Variants in KIF6 observed in about 807,000 individuals in gnomAD.
KIF6 encodes the protein kinesin family member 6, also known as kinesin-like protein KIF6.
KIF6 carries 106 observed loss-of-function variants against 112.7 expected under a neutral mutation model. The ratio of observed to expected loss-of-function variants is 0.94; its 90% CI spans 0.80 to 1.11. The LOEUF (loss-of-function observed/expected upper bound fraction) is 1.11, where lower values mean the gene tolerates loss of function less well. Among genes scored for constraint, KIF6 ranks in the 50% least tolerant of loss-of-function variants. KIF6 has a pLI of 0.00. For missense variants in KIF6, 929 were observed against 964.0 expected, an observed-to-expected ratio of 0.96 and a Z score of 0.48; for synonymous variants, 339 against 339.9, an observed-to-expected ratio of 1.00 and a Z score of 0.03.
chr6:39,389,142 TTC>T (rs1367717927), intron 15 of KIF6, among the ~76,000 whole-genome samples: 1 of 152,174 alleles, frequency 6.6e-6, no homozygotes, highest in Non-Finnish European at 1.5e-5. Flanking sequence ...TATATGGGTT[TTC>T]TCTGTTACTG....
intron 15 of KIF6, among the ~76,000 whole-genome samples, chr6:39,400,147 AGACG>A (rs1768580759): frequency 6.6e-6 from 1 of 152,196 alleles, no homozygotes; most frequent in Admixed American, 6.5e-5. Flanking sequence ...AATAAGAAGG[AGACG>A]CACCCTGTTT....
chr6:39,360,017 T>A (rs1765007037), intron 18 of KIF6, among the ~76,000 whole-genome samples: 1 of 152,244 alleles, frequency 6.6e-6, no homozygotes, highest in African/African-American at 2.4e-5. Flanking sequence ...TTCTTCTTTG[T>A]GTTTTTCTGC....
chr6:39,359,889 T>C (rs887941130), intron 18 of KIF6, among the ~76,000 whole-genome samples: 25 of 152,330 alleles, frequency 1.6e-4, no homozygotes, highest in African/African-American at 6.0e-4. Context: ...GTGCCCAGCC[T>C]GATTCTATTT....
At position 39,343,757 on chromosome 6, in the gene KIF6, C is replaced by G. The variant is rs771517824; in HGVS notation, c.2380G>C (p.Asp794His). 42 of 1,613,058 alleles carry G rather than the reference C, an allele frequency of 2.6e-5. No individual in the cohort carries two copies. Among genetic ancestry groups the G allele is most frequent in the Non-Finnish European group, 2.5e-6 (3 of 1,179,684 alleles). ...PLTGDSQTDS[D>H]IIAFIKARQS... is the part of the protein sequence containing the mutation. ...CTGGCCTTGATGAAGGCGATGATGT[C>G]CGAGTCCGTCTGGCTGTCTCCGGTG... Residue 794 changes from aspartate to histidine, a missense_variant, in exon 22 of 23, where the codon GAC becomes CAC. This residue lies in a region of KIF6 where 241 missense variants were observed against 301.4 expected (regional missense o/e 0.80). Coordinates refer to ENST00000287152, the MANE Select transcript of KIF6 (RefSeq NM_145027.6). The surrounding 1 kb of genome is among the most constrained non-coding windows in gnomAD (Gnocchi z 4.1).
intron 2 of KIF6, among the ~76,000 whole-genome samples, chr6:39,716,347 G>A (rs80165548): frequency 0.01 from 1,537 of 152,006 alleles, 25 homozygotes; most frequent in African/African-American, 0.034. Flanking sequence ...ATTTAAAATA[G>A]CAGGTGGTAG....
intron 3 of KIF6, among the ~76,000 whole-genome samples, chr6:39,681,248 A>G (rs73426531): frequency 8.5e-5 from 13 of 152,312 alleles, no homozygotes; most frequent in African/African-American, 3.1e-4. Flanking sequence ...CTGTTTCCAT[A>G]TTTCAGAAGA....
chr6:39,413,116 A>C (rs1769611083), intron 15 of KIF6, among the ~76,000 whole-genome samples: 1 of 152,130 alleles, frequency 6.6e-6, no homozygotes, highest in Admixed American at 6.5e-5. Flanking sequence ...GGTCTCCCTC[A>C]GTCTTAATTT....
intron 3 of KIF6, among the ~76,000 whole-genome samples, chr6:39,707,002 G>C (rs1474632705): frequency 6.6e-6 from 1 of 152,150 alleles, no homozygotes; most frequent in Non-Finnish European, 1.5e-5. Context: ...GTCATAAAGA[G>C]AGTATAGAAT....
chr6:39,680,018 GTTTA>G (rs1787419966), intron 3 of KIF6, among the ~76,000 whole-genome samples: 1 of 149,424 alleles, frequency 6.7e-6, no homozygotes, highest in Admixed American at 6.6e-5. Context: ...TTTTTTGTTT[GTTTA>G]TTTTGAGGCA....
chr6:39,512,894 A>T (rs1776859372), intron 13 of KIF6, among the ~76,000 whole-genome samples: 1 of 152,190 alleles, frequency 6.6e-6, no homozygotes, highest in Admixed American at 6.5e-5. Context: ...GAAATCCACT[A>T]AAACTTGGTA....
intron 13 of KIF6, among the ~76,000 whole-genome samples, chr6:39,465,490 T>C (rs1581916893): frequency 6.6e-6 from 1 of 152,194 alleles, no homozygotes; most frequent in South Asian, 2.1e-4. Flanking sequence ...TATCCTTCTC[T>C]TCTTTATCTC....
At chr6:39,544,512 A>G in intron 12 of KIF6, 43 bp downstream of exon 12, 1 of 1,590,830 alleles carries the variant, frequency 6.3e-7, no homozygotes, top group Non-Finnish European at 8.5e-7. Flanking sequence ...ACCCCTTTCA[A>G]ACCAGGATAG....
At chr6:39,715,364 G>A (rs369495537) in intron 2 of KIF6, among the ~76,000 whole-genome samples, 1 of 152,150 alleles carries the variant, frequency 6.6e-6, no homozygotes, top group Admixed American at 6.6e-5. Flanking sequence ...CAGAGAGAAG[G>A]TTTAATCAGA....
chr6:39,571,455 G>T (rs1331608970), intron 10 of KIF6, among the ~76,000 whole-genome samples: 1 of 152,094 alleles, frequency 6.6e-6, no homozygotes, highest in East Asian at 1.9e-4. Flanking sequence ...TTCCTTTTCA[G>T]CTTCTGCAAT....
At chr6:39,523,770 G>A (rs1162120100) in intron 13 of KIF6, among the ~76,000 whole-genome samples, 2 of 145,522 alleles carry the variant, frequency 1.4e-5, no homozygotes, top group Admixed American at 1.4e-4. Flanking sequence ...TCTGGGAATA[G>A]TTGGCATCCG....
At chr6:39,621,565 G>A (rs919893431) in intron 5 of KIF6, among the ~76,000 whole-genome samples, 4 of 152,150 alleles carry the variant, frequency 2.6e-5, no homozygotes, top group African/African-American at 9.7e-5. Flanking sequence ...TAAGTTCCTT[G>A]TTCATCGCTG....
intron 19 of KIF6, among the ~76,000 whole-genome samples, chr6:39,356,685 C>T (rs1764715991): frequency 6.6e-6 from 1 of 152,194 alleles, no homozygotes; most frequent in Non-Finnish European, 1.5e-5. Context: ...CTATCCTGGC[C>T]TCTGGCATCA....
In KIF6 at chr6:39,652,870, C is replaced by T. The variant is rs544884735; in HGVS notation, c.252-13113G>A. On this transcript the variant is annotated intron_variant, in intron 3 of 22. Coordinates refer to ENST00000287152, the MANE Select transcript of KIF6 (RefSeq NM_145027.6). ...CTACTACCTAAGTTATAAAACAAAC[C>T]TACCATCTTTTTATAAAGCTAATAA... Among the ~76,000 whole-genome samples the T allele has an allele frequency of 3.9e-5, 6 of 152,150 alleles. No individual in the cohort carries two copies. The East Asian group carries it at 1.2e-3, about 29-fold the overall frequency.
At chr6:39,445,201 G>C (rs1772230669) in intron 13 of KIF6, among the ~76,000 whole-genome samples, 1 of 152,224 alleles carries the variant, frequency 6.6e-6, no homozygotes, top group Admixed American at 6.5e-5. Flanking sequence ...GATTGGAGTT[G>C]AGTTTTGGTG....
Sources: allele counts gnomAD v4.1 joint callset (sites outside exome capture counted in the v4.1 genomes callset), GRCh38; gene constraint gnomAD v4.1.1; regional missense constraint gnomAD v4.1.1; non-coding constraint Gnocchi (gnomAD v3.1); transcripts MANE v1.5; gene names NCBI Gene and HGNC (gene_info 2026-07-23, HGNC 2026-07-21).